SYNE2: variants seen among roughly 807,000 people sequenced by gnomAD.
SYNE2 encodes nesprin-2.
In SYNE2, 431 loss-of-function variants were observed where a neutral mutation model predicts 856.3. The observed-to-expected ratio is 0.50, with a 90% CI of 0.47 to 0.55. The LOEUF is 0.55. SYNE2 is among the 20% of genes least tolerant of loss of function. The pLI is 0.00. For synonymous variants in SYNE2, 2,923 were observed against 2,872.3 expected (o/e 1.02, Z -0.56); for missense variants, 8,129 against 8,023.2 (o/e 1.01, Z -0.50).
intron 1 of SYNE2, among the ~76,000 whole-genome samples, chr14:63,826,592 G>A (rs1041208198): frequency 3.9e-5 from 6 of 152,024 alleles, no homozygotes; most frequent in African/African-American, 1.2e-4. Flanking sequence ...GAGTCACCGC[G>A]CCTGGCCAAC....
At chr14:63,967,682 A>G (rs753942303) in intron 10 of SYNE2, 27 bp from the exon 11 acceptor site, 53 of 1,609,548 alleles carry the variant, frequency 3.3e-5, no homozygotes, top group Non-Finnish European at 4.4e-5. Context: ...AACATTTTCA[A>G]TCTTTAAAAT....
intron 3 of SYNE2, 52 bp downstream of exon 3, chr14:63,940,727 A>G: frequency 1.3e-6 from 2 of 1,539,902 alleles, no homozygotes; most frequent in Non-Finnish European, 1.8e-6. Context: ...TACTCCCCCT[A>G]CTCCTTCTGT....
chr14:64,152,368 A>T (rs968069982), intron 84 of SYNE2, among the ~76,000 whole-genome samples, 196 bp from the exon 85 acceptor site: 1 of 152,226 alleles, frequency 6.6e-6, no homozygotes, highest in African/African-American at 2.4e-5. Flanking sequence ...TGTTGCCTAG[A>T]TTCTCCTAAA....
At chr14:64,224,181 CAAAA>C (rs35804232) in intron 113 of SYNE2, among the ~76,000 whole-genome samples, 17 of 74,746 alleles carry the variant, frequency 2.3e-4, no homozygotes, top group Admixed American at 1.5e-3. Context: ...CCCGTCTCTG[CAAAA>C]AAAAAAAAAA....
At chr14:63,821,988 CAA>C in intron 1 of SYNE2, among the ~76,000 whole-genome samples, 1 of 152,224 alleles carries the variant, frequency 6.6e-6, no homozygotes, top group East Asian at 1.9e-4. Context: ...GTTAGGAGCT[CAA>C]GACCAGCCTG....
At chr14:64,204,106 T>C (rs1449609948) in intron 100 of SYNE2, among the ~76,000 whole-genome samples, 1 of 152,254 alleles carries the variant, frequency 6.6e-6, no homozygotes, top group Non-Finnish European at 1.5e-5. Flanking sequence ...GATTTAGTAA[T>C]GCTACAAATT....
At chr14:63,887,259 A>C (rs1329572526) in intron 1 of SYNE2, among the ~76,000 whole-genome samples, 2 of 152,108 alleles carry the variant, frequency 1.3e-5, no homozygotes. Context: ...CCAGCTGGGC[A>C]ACAGAGTGAG....
intron 73 of SYNE2, 73 bp downstream of exon 73, chr14:64,126,880 A>G (rs983125793): frequency 7.0e-7 from 1 of 1,430,340 alleles, no homozygotes; most frequent in Admixed American, 1.8e-5. Context: ...GCCTATTCCT[A>G]TTCCTGGTGA....
chr14:64,192,732 G>A (rs1001455238), intron 99 of SYNE2, among the ~76,000 whole-genome samples: 1 of 152,164 alleles, frequency 6.6e-6, no homozygotes, highest in Non-Finnish European at 1.5e-5. Context: ...CTTACCCACA[G>A]TTACATAGCC....
intron 49 of SYNE2, among the ~76,000 whole-genome samples, chr14:64,060,601 A>G (rs562705570): frequency 3.3e-5 from 5 of 152,198 alleles, no homozygotes; most frequent in South Asian, 2.1e-4. Context: ...GCTGTGGTTC[A>G]TGAGGTTGGA....
chr14:63,829,180 A>G (rs1248275401), intron 1 of SYNE2, among the ~76,000 whole-genome samples: 2 of 152,138 alleles, frequency 1.3e-5, no homozygotes, highest in East Asian at 3.8e-4. Context: ...TAGGAGGTCG[A>G]GGTGGGAGGA....
At chr14:64,086,971 A>G (rs1033832134) in intron 57 of SYNE2, among the ~76,000 whole-genome samples, 1 of 151,416 alleles carries the variant, frequency 6.6e-6, no homozygotes, top group African/African-American at 2.4e-5. Flanking sequence ...CAGCCTCCCA[A>G]AGTGCTGGAA....
chr14:64,055,819 T>G, intron 48 of SYNE2, 125 bp from the exon 49 acceptor site: 1 of 549,710 alleles, frequency 1.8e-6, no homozygotes, highest in Non-Finnish European at 3.0e-6. Flanking sequence ...CCCTAAAACT[T>G]AAAGTATAAT....
chr14:63,982,994 C>T (rs1378382771), intron 17 of SYNE2, among the ~76,000 whole-genome samples, 200 bp downstream of exon 17: 9 of 152,122 alleles, frequency 5.9e-5, no homozygotes, highest in African/African-American at 2.2e-4. Flanking sequence ...CCCCCACCCC[C>T]TAAGCCCTAC....
intron 34 of SYNE2, among the ~76,000 whole-genome samples, chr14:64,018,224 G>A (rs1383964619): frequency 6.6e-6 from 1 of 152,042 alleles, no homozygotes; most frequent in African/African-American, 2.4e-5. Flanking sequence ...ACAGACCCCA[G>A]GGGTTACCAG....
intron 1 of SYNE2, among the ~76,000 whole-genome samples, chr14:63,882,438 G>C (rs1214707148): frequency 6.6e-6 from 1 of 152,040 alleles, no homozygotes; most frequent in Admixed American, 6.6e-5. Flanking sequence ...TGGAGGCCGG[G>C]TGAGCGGTGG....
At chr14:63,804,952 C>A (rs1888303230) in intron 1 of SYNE2, among the ~76,000 whole-genome samples, 1 of 152,304 alleles carries the variant, frequency 6.6e-6, no homozygotes, top group South Asian at 2.1e-4. Context: ...GTTCAATCTT[C>A]TGTATAAGGC....
intron 99 of SYNE2, among the ~76,000 whole-genome samples, chr14:64,199,713 CAAAAA>C (rs34710996): frequency 6.1e-5 from 4 of 66,060 alleles, no homozygotes; most frequent in African/African-American, 1.8e-4. Flanking sequence ...GACTCTGTCT[CAAAAA>C]AAAAAAAAAA....
intron 56 of SYNE2, among the ~76,000 whole-genome samples, chr14:64,081,021 C>T (rs545675470): frequency 6.6e-6 from 1 of 152,294 alleles, no homozygotes; most frequent in South Asian, 2.1e-4. Flanking sequence ...CTCTACCCTC[C>T]TTCCAAATAG....
Sources: gnomAD v4.1 joint callset for allele counts (sites outside exome capture counted in the v4.1 genomes callset) on GRCh38, gnomAD v4.1.1 for gene constraint, MANE v1.5 for transcripts, NCBI Gene and HGNC (gene_info 2026-07-23, HGNC 2026-07-21) for gene names.